PALM2AKAP2: variants seen among roughly 807,000 people sequenced by gnomAD.
The protein encoded by PALM2AKAP2 is PALM2-AKAP2 fusion protein.
A neutral mutation model predicts 71.5 loss-of-function variants in PALM2AKAP2; 37 were observed. The ratio of observed to expected loss-of-function variants is 0.52; its 90% CI spans 0.40 to 0.68. The LOEUF (loss-of-function observed/expected upper bound fraction) is 0.68. PALM2AKAP2 is among the 30% of genes least tolerant of loss of function. PALM2AKAP2 has a pLI of 0.00. For missense variants in PALM2AKAP2, 1,224 were observed against 1,191.8 expected, an observed-to-expected ratio of 1.03 and a Z score of -0.40; for synonymous variants, 468 against 478.8, an observed-to-expected ratio of 0.98 and a Z score of 0.29.
chr9:109,661,421 A>T (rs1448698842), intron 1 of PALM2AKAP2, among the ~76,000 whole-genome samples: 1 of 152,182 alleles, frequency 6.6e-6, no homozygotes, highest in Non-Finnish European at 1.5e-5. Flanking sequence ...TTAATAGGGA[A>T]TCCTTTCCCC....
At chr9:110,011,480 C>T (rs1832884686) in intron 6 of PALM2AKAP2, among the ~76,000 whole-genome samples, 1 of 152,154 alleles carries the variant, frequency 6.6e-6, no homozygotes, top group South Asian at 2.1e-4. Flanking sequence ...TGTTAAAAGT[C>T]ATTGCTAAAA....
intron 1 of PALM2AKAP2, among the ~76,000 whole-genome samples, chr9:109,775,192 C>T (rs1486914473): frequency 1.3e-5 from 2 of 152,182 alleles, no homozygotes; most frequent in East Asian, 3.8e-4. Flanking sequence ...CCTCTAGGGA[C>T]TCATGTTGAT....
chr9:109,937,897 A>C (rs1296468583), intron 6 of PALM2AKAP2, among the ~76,000 whole-genome samples: 1 of 152,224 alleles, frequency 6.6e-6, no homozygotes, highest in East Asian at 1.9e-4. Flanking sequence ...AATAAGATGA[A>C]CAAAGGCAGC....
Position 110,075,549 on chromosome 9 carries a change from T to A in PALM2AKAP2, c.156+26694T>A, listed in dbSNP as rs116274439. ...ACTGGTAACATTTAGACTTATTTCC[T>A]CCTAATATGTATATTTTAAACTGCC... is the stretch of plus-strand genomic sequence containing the variant. On this transcript the variant is annotated intron_variant, in intron 1 of 3. Transcript: ENST00000374525. Among the ~76,000 whole-genome samples the A allele has an allele frequency of 4.1e-3, 621 of 152,226 alleles. 5 individuals carry two copies. Among genetic ancestry groups the A allele is most frequent in the African/African-American group, 0.014 (599 of 41,566 alleles).
chr9:109,874,861 A>AAT (rs1306562848), intron 2 of PALM2AKAP2, among the ~76,000 whole-genome samples: 1 of 152,160 alleles, frequency 6.6e-6, no homozygotes, highest in Non-Finnish European at 1.5e-5. Flanking sequence ...TACAAGTCAC[A>AAT]CTGATTCTAC....
At chr9:109,784,827 C>T (rs569169619) in intron 1 of PALM2AKAP2, among the ~76,000 whole-genome samples, 1 of 152,360 alleles carries the variant, frequency 6.6e-6, no homozygotes, top group South Asian at 2.1e-4. Context: ...TGCAGGTGGT[C>T]TCAGCAGCCT....
chr9:109,764,511 T>G (rs1214910386), intron 1 of PALM2AKAP2, among the ~76,000 whole-genome samples: 1 of 152,168 alleles, frequency 6.6e-6, no homozygotes, highest in African/African-American at 2.4e-5. Flanking sequence ...CCTGGACCCT[T>G]CTCTGGCAGT....
intron 1 of PALM2AKAP2, among the ~76,000 whole-genome samples, chr9:109,765,954 G>T (rs1410915478): frequency 6.6e-6 from 1 of 152,162 alleles, no homozygotes; most frequent in African/African-American, 2.4e-5. Flanking sequence ...ATGGTTCCTG[G>T]TTATACCCAG....
At chr9:109,952,237 G>A (rs1341452603) in intron 6 of PALM2AKAP2, among the ~76,000 whole-genome samples, 4 of 152,210 alleles carry the variant, frequency 2.6e-5, no homozygotes, top group Admixed American at 1.3e-4. Context: ...TTGGCCTATG[G>A]GCTTATAATT....
chr9:109,786,114 C>T (rs746399398), intron 1 of PALM2AKAP2, among the ~76,000 whole-genome samples: 9 of 152,226 alleles, frequency 5.9e-5, no homozygotes, highest in Admixed American at 3.3e-4. Context: ...ATTGGCTTTT[C>T]GTTGGATTCG....
chr9:109,769,315 T>C (rs887372946), intron 1 of PALM2AKAP2, among the ~76,000 whole-genome samples: 1 of 152,066 alleles, frequency 6.6e-6, no homozygotes, highest in African/African-American at 2.4e-5. Flanking sequence ...AAGTTTAGGG[T>C]TTTATTGGCT....
intron 7 of PALM2AKAP2, among the ~76,000 whole-genome samples, chr9:110,027,209 T>A (rs1168062166): frequency 6.6e-6 from 1 of 152,218 alleles, no homozygotes; most frequent in East Asian, 1.9e-4. Context: ...CTTGGCCTTA[T>A]CCAGCTGGTG....
chr9:109,745,232 A>C (rs942504010), intron 1 of PALM2AKAP2, among the ~76,000 whole-genome samples: 1 of 152,130 alleles, frequency 6.6e-6, no homozygotes, highest in Non-Finnish European at 1.5e-5. Context: ...CAAGTCTGTC[A>C]TCCTAGCTAC....
intron 1 of PALM2AKAP2, among the ~76,000 whole-genome samples, chr9:109,703,307 T>C (rs953215423): frequency 3.3e-5 from 5 of 152,146 alleles, no homozygotes; most frequent in Non-Finnish European, 7.4e-5. Flanking sequence ...AAGTGTGTAG[T>C]TTCAGTTTGG....
intron 1 of PALM2AKAP2, among the ~76,000 whole-genome samples, chr9:109,727,090 G>T (rs1175036398): frequency 6.6e-6 from 1 of 152,180 alleles, no homozygotes; most frequent in Non-Finnish European, 1.5e-5. Context: ...CAACAGAGAA[G>T]TAACCTTGCT....
intron 1 of PALM2AKAP2, among the ~76,000 whole-genome samples, chr9:109,792,283 A>G (rs1189963767): frequency 6.6e-6 from 1 of 152,152 alleles, no homozygotes; most frequent in Non-Finnish European, 1.5e-5. Context: ...TGAAGAGAAA[A>G]ATAGACTTAT....
chr9:109,795,159 A>G lies in PALM2AKAP2; in HGVS notation c.45+14626A>G, dbSNP rs550652384. On this transcript the variant is annotated intron_variant, in intron 1 of 9. Coordinates refer to the PALM2AKAP2 transcript ENST00000302798. ...GATGTTAGTGGCATCCTTGGTCTCT[A>G]TCCATTAAATGCTAGTAGCACACCC... is the stretch of plus-strand genomic sequence containing the variant. Among the ~76,000 whole-genome samples the G allele has an allele frequency of 5.3e-5, 8 of 152,302 alleles. No homozygotes were observed. In the South Asian group the frequency reaches 1.7e-3, roughly 32 times the overall value.
intron 1 of PALM2AKAP2, among the ~76,000 whole-genome samples, chr9:110,127,194 T>G (rs1287428074): frequency 2.0e-5 from 3 of 152,234 alleles, no homozygotes; most frequent in Non-Finnish European, 4.4e-5. Flanking sequence ...TTTTTAGAAC[T>G]GCCCTAGTCA....
rs149912838 is a variant in PALM2AKAP2 at position 110,155,622 on chromosome 9, G to A, written c.2570-697G>A. On this transcript the variant is annotated intron_variant, in intron 2 of 3. Transcript: ENST00000374525. Reference sequence around the variant, plus strand: ...AAGGCTGGTGTGCACCTTTTCCATTGCCTTTGTTGGTGTACACTTCTTAAG... The same window carrying A: ...AAGGCTGGTGTGCACCTTTTCCATTACCTTTGTTGGTGTACACTTCTTAAG... Among the ~76,000 whole-genome samples the A allele has an allele frequency of 3.7e-3, 559 of 152,270 alleles. 1 individual carries two copies. The highest frequency in any genetic ancestry group is 0.012 in the African/African-American group (508 of 41,544).
Sources: allele counts gnomAD v4.1 joint callset (sites outside exome capture counted in the v4.1 genomes callset), GRCh38; gene constraint gnomAD v4.1.1; transcripts MANE v1.5; gene names NCBI Gene and HGNC (gene_info 2026-07-23, HGNC 2026-07-21).